SCN3A: variants seen among roughly 807,000 people sequenced by gnomAD.
SCN3A encodes sodium voltage-gated channel alpha subunit 3, also known as sodium channel protein type 3 subunit alpha.
A neutral mutation model predicts 187.6 loss-of-function variants in SCN3A; 60 were observed. The observed-to-expected ratio is 0.32, with a 90% CI of 0.26 to 0.40. The LOEUF is 0.40. SCN3A is among the 10% of genes least tolerant of loss of function. SCN3A has a pLI of 1.00. For synonymous variants in SCN3A, 788 were observed against 829.2 expected, an observed-to-expected ratio of 0.95 and a Z score of 0.85; for missense variants, 1,601 against 2,428.2, an observed-to-expected ratio of 0.66 and a Z score of 7.16.
At chr2:165,186,515 C>T (rs1691252978) in intron 2 of SCN3A, 36 bp downstream of exon 2, 1 of 152,118 alleles carries the variant, frequency 6.6e-6, no homozygotes, top group Non-Finnish European at 1.5e-5. Flanking sequence ...TTATTTTCCA[C>T]AAAAACAAAC....
intron 5 of SCN3A, among the ~76,000 whole-genome samples, chr2:165,166,063 C>T (rs551761260): frequency 6.6e-6 from 1 of 152,296 alleles, no homozygotes; most frequent in African/African-American, 2.4e-5. Context: ...GGCCTAGAAA[C>T]ACCACACATG....
chr2:165,202,368 C>A (rs1369658661), intron 1 of SCN3A, among the ~76,000 whole-genome samples: 1 of 151,880 alleles, frequency 6.6e-6, no homozygotes, highest in Non-Finnish European at 1.5e-5. Flanking sequence ...CAATCAAGAC[C>A]AGCTCTGATG....
chr2:165,183,125 G>A (rs561131112), intron 2 of SCN3A, among the ~76,000 whole-genome samples: 1 of 152,288 alleles, frequency 6.6e-6, no homozygotes, highest in South Asian at 2.1e-4. Flanking sequence ...AGGGAACAGA[G>A]AGGATGATAG....
chr2:165,095,934 A>G (rs560103533), intron 24 of SCN3A, among the ~76,000 whole-genome samples: 12 of 152,302 alleles, frequency 7.9e-5, no homozygotes, highest in African/African-American at 2.6e-4. Context: ...GCCTATTATT[A>G]GTCATAATTT....
intron 18 of SCN3A, among the ~76,000 whole-genome samples, chr2:165,117,686 C>T (rs1192986569): frequency 6.6e-6 from 1 of 151,968 alleles, no homozygotes; most frequent in African/African-American, 2.4e-5. Context: ...TCTATCTCTC[C>T]ATTTTGATAT....
intron 2 of SCN3A, among the ~76,000 whole-genome samples, chr2:165,180,821 A>G (rs1027117256): frequency 2.0e-5 from 3 of 152,258 alleles, no homozygotes; most frequent in South Asian, 4.1e-4. Context: ...TGAAGCGTGG[A>G]CAGGCAGGGA....
At position 165,188,339 on chromosome 2, in the gene SCN3A, A is replaced by G. The variant is rs201368098; in HGVS notation, c.-247-1592T>C. ...CATGGGAAATCGCAGTGATTCCTGC[A>G]TGTGGATTAATACTTCACTTTAGGC... On this transcript the variant is annotated intron_variant, in intron 1 of 27. Transcript: ENST00000283254. 7.6e-4 allele frequency among the ~76,000 whole-genome samples: 116 copies of G among 152,298 alleles called. 1 individual carries two copies. In the East Asian group the frequency reaches 0.011, roughly 15 times the overall value.
At chr2:165,171,066 A>G (rs1473674319) in intron 3 of SCN3A, among the ~76,000 whole-genome samples, 2 of 152,030 alleles carry the variant, frequency 1.3e-5, no homozygotes, top group East Asian at 3.9e-4. Context: ...CTTCTCAGCT[A>G]ATACTGAAGA....
intron 11 of SCN3A, among the ~76,000 whole-genome samples, chr2:165,149,616 C>A (rs1688574507): frequency 6.6e-6 from 1 of 152,192 alleles, no homozygotes; most frequent in Non-Finnish European, 1.5e-5. Flanking sequence ...TCAAATCTGT[C>A]ATTTGTTCCA....
intron 3 of SCN3A, among the ~76,000 whole-genome samples, chr2:165,175,620 G>C (rs986990319): frequency 2.0e-5 from 3 of 151,992 alleles, no homozygotes; most frequent in East Asian, 1.9e-4. Flanking sequence ...AGGTTACTGG[G>C]GGGGAAAGGA....
chr2:165,181,525 T>A (rs538900022), intron 2 of SCN3A, among the ~76,000 whole-genome samples: 4 of 152,304 alleles, frequency 2.6e-5, no homozygotes, highest in African/African-American at 9.6e-5. Context: ...AGTTGTAATG[T>A]ATGGGTAGGC....
chr2:165,104,316 C>T (rs895963582), intron 21 of SCN3A, among the ~76,000 whole-genome samples: 1 of 151,604 alleles, frequency 6.6e-6, no homozygotes, highest in African/African-American at 2.4e-5. Flanking sequence ...TAAAATAAAG[C>T]TCAAATTAGC....
intron 18 of SCN3A, among the ~76,000 whole-genome samples, chr2:165,116,937 A>G (rs1574137108): frequency 7.3e-6 from 1 of 137,732 alleles, no homozygotes; most frequent in East Asian, 2.2e-4. Flanking sequence ...GGGTCATGAT[A>G]GCACAATTTT....
intron 1 of SCN3A, among the ~76,000 whole-genome samples, chr2:165,187,283 C>T (rs1383357439): frequency 6.6e-6 from 1 of 152,076 alleles, no homozygotes; most frequent in Non-Finnish European, 1.5e-5. Flanking sequence ...ATATTTTAGA[C>T]AAGCTGAGGT....
chr2:165,167,605 A>T (rs1689850764), intron 5 of SCN3A, among the ~76,000 whole-genome samples: 1 of 152,160 alleles, frequency 6.6e-6, no homozygotes. Context: ...TAGCCTATAT[A>T]ACCACTTTGT....
Position 165,092,672 on chromosome 2 carries a change from T to C in SCN3A, c.4537-148A>G. The C allele has an allele frequency of 4.0e-6, 3 of 755,446 alleles. No individual in the cohort carries two copies. Among genetic ancestry groups the C allele is most frequent in the Non-Finnish European group, 6.3e-6 (3 of 474,330 alleles). The allele number at this position is 755,446 out of a possible 1,614,324, so 46.8% of individuals were successfully genotyped here. ...AACAATTTTGTGTGCTTTTTTTCTC[T>C]TCATGTTAAAAAAAATGGAAAAAAA... On this transcript the variant is annotated intron_variant, in intron 26 of 27. Coordinates refer to ENST00000283254, the MANE Select transcript of SCN3A (RefSeq NM_006922.4). This position sits in a 1 kb window ranked among gnomAD's most constrained non-coding sequence, Gnocchi z 4.2.
chr2:165,131,580 TTTTA>T (rs562965583), intron 15 of SCN3A, among the ~76,000 whole-genome samples, 163 bp from the exon 16 acceptor site: 394 of 151,558 alleles, frequency 2.6e-3, no homozygotes, highest in African/African-American at 8.9e-3. Flanking sequence ...CATTTTTTAT[TTTTA>T]TTTATTTTTA....
At chr2:165,143,948 GT>G (rs1204953140) in intron 12 of SCN3A, among the ~76,000 whole-genome samples, 2 of 151,916 alleles carry the variant, frequency 1.3e-5, no homozygotes, top group Non-Finnish European at 2.9e-5. Context: ...GCATTTTGAG[GT>G]TTCATTTTAT....
At chr2:165,152,717 C>T (rs1402112912) in intron 11 of SCN3A, among the ~76,000 whole-genome samples, 1 of 152,116 alleles carries the variant, frequency 6.6e-6, no homozygotes, top group Non-Finnish European at 1.5e-5. Context: ...TATTTCTCCA[C>T]ATCCTCTCCA....
Sources: allele counts gnomAD v4.1 joint callset (sites outside exome capture counted in the v4.1 genomes callset), GRCh38; gene constraint gnomAD v4.1.1; non-coding constraint Gnocchi (gnomAD v3.1); transcripts MANE v1.5; gene names NCBI Gene and HGNC (gene_info 2026-07-23, HGNC 2026-07-21).